Variants in SH3RF3 observed in about 807,000 individuals in gnomAD.
SH3RF3 encodes the protein E3 ubiquitin-protein ligase SH3RF3.
A neutral mutation model predicts 66.3 loss-of-function variants in SH3RF3; 29 were observed. The observed-to-expected ratio is 0.44, with a 90% confidence interval of 0.33 to 0.60. SH3RF3 has a LOEUF of 0.60. Among genes scored for constraint, SH3RF3 ranks in the 20% least tolerant of loss-of-function variants. The pLI is 0.04. For missense variants in SH3RF3, 1,194 were observed against 1,190.9 expected, an observed-to-expected ratio of 1.00 and a Z score of -0.04; for synonymous variants, 583 against 532.0, an observed-to-expected ratio of 1.10 and a Z score of -1.32.
chr2:109,490,434 A>G (rs1679099408), intron 8 of SH3RF3, among the ~76,000 whole-genome samples, 171 bp from the exon 9 acceptor site: 2 of 152,328 alleles, frequency 1.3e-5, no homozygotes, highest in East Asian at 3.9e-4. Context: ...GTGCAAGAAA[A>G]TGCTGGTACT....
intron 1 of SH3RF3, among the ~76,000 whole-genome samples, chr2:109,268,477 C>A (rs1017803668): frequency 4.6e-5 from 7 of 152,276 alleles, no homozygotes; most frequent in African/African-American, 1.7e-4. Context: ...CAGCTCCTTT[C>A]TCCCCTCAGT....
intron 1 of SH3RF3, among the ~76,000 whole-genome samples, chr2:109,198,680 A>G (rs769482471): frequency 1.3e-5 from 2 of 152,002 alleles, no homozygotes; most frequent in Non-Finnish European, 2.9e-5. Context: ...GACAGAGAAC[A>G]TTTTTCGTGT....
chr2:109,425,864 C>T (rs1677014946), intron 5 of SH3RF3, among the ~76,000 whole-genome samples: 1 of 152,102 alleles, frequency 6.6e-6, no homozygotes, highest in African/African-American at 2.4e-5. Context: ...GTCAAGTGTT[C>T]TTATTTTAAA....
chr2:109,416,358 G>T (rs958465601), intron 4 of SH3RF3, among the ~76,000 whole-genome samples: 13 of 151,888 alleles, frequency 8.6e-5, no homozygotes, highest in African/African-American at 3.1e-4. Context: ...ACTTTGGGAG[G>T]CTGAGGAGGG....
chr2:109,136,898 A>G (rs1346437355), intron 1 of SH3RF3, among the ~76,000 whole-genome samples: 2 of 152,248 alleles, frequency 1.3e-5, no homozygotes, highest in South Asian at 4.1e-4. Context: ...ACCTCACCAG[A>G]GAATCAGGGA....
At chr2:109,477,616 GTGT>G (rs1678719637) in intron 8 of SH3RF3, among the ~76,000 whole-genome samples, 4 of 32,620 alleles carry the variant, frequency 1.2e-4, no homozygotes, top group South Asian at 8.3e-4. Flanking sequence ...ACAGATGGGT[GTGT>G]GTGTGTGTGT....
At chr2:109,251,581 C>G in intron 1 of SH3RF3, 1 of 908,416 alleles carries the variant, frequency 1.1e-6, no homozygotes, top group East Asian at 2.4e-5. Flanking sequence ...TGGTGGGCAA[C>G]AGAACAATAT....
intron 1 of SH3RF3, among the ~76,000 whole-genome samples, chr2:109,301,772 T>C (rs1574560146): frequency 6.6e-6 from 1 of 152,346 alleles, no homozygotes; most frequent in East Asian, 1.9e-4. Flanking sequence ...CTACCCATCC[T>C]TTTTGGGTGG....
At chr2:109,318,558 T>G (rs1285205501) in intron 1 of SH3RF3, among the ~76,000 whole-genome samples, 1 of 151,998 alleles carries the variant, frequency 6.6e-6, no homozygotes, top group Non-Finnish European at 1.5e-5. Flanking sequence ...TCCTTGCGGG[T>G]GTGTTGGTTC....
chr2:109,398,372 C>T (rs1559061610), intron 3 of SH3RF3, among the ~76,000 whole-genome samples: 1 of 152,204 alleles, frequency 6.6e-6, no homozygotes, highest in Admixed American at 6.5e-5. Flanking sequence ...TGAGTCCCCT[C>T]TCTCCATCAT....
chr2:109,304,746 G>A lies in SH3RF3; in HGVS notation c.574-42928G>A, dbSNP rs114754411. 8.8e-3 allele frequency among the ~76,000 whole-genome samples: 1,334 copies of A among 152,306 alleles called. 15 individuals are homozygous for A. The highest frequency in any genetic ancestry group is 0.031 in the African/African-American group (1,278 of 41,562). Reference sequence around the variant, plus strand: ...CAGCATATAGGAGCTAATCTAGGGAGAGGTGCAGCCTGTGGAGGAAAGGAG... The same window carrying A: ...CAGCATATAGGAGCTAATCTAGGGAAAGGTGCAGCCTGTGGAGGAAAGGAG... On this transcript the variant is annotated intron_variant, in intron 1 of 9. Transcript: ENST00000309415.
intron 8 of SH3RF3, among the ~76,000 whole-genome samples, chr2:109,452,887 CCCAGGAGGCTGGTCCCGGGAGGCTGGTG>C (rs1162655421): frequency 6.4e-4 from 92 of 144,140 alleles, no homozygotes; most frequent in African/African-American, 2.0e-3. Flanking sequence ...GGAGGCTGGT[CCCAGGAGGCTGGTCCCGGGAGGCTGGTG>C]CCAGGAGGCT....
intron 1 of SH3RF3, among the ~76,000 whole-genome samples, chr2:109,284,803 G>C (rs1039528808): frequency 4.3e-4 from 65 of 151,926 alleles, no homozygotes; most frequent in African/African-American, 1.6e-3. Context: ...GTGTGGCCTC[G>C]TGTCAGATGA....
intron 1 of SH3RF3, among the ~76,000 whole-genome samples, chr2:109,231,260 T>C (rs1679508092): frequency 6.6e-6 from 1 of 152,250 alleles, no homozygotes; most frequent in African/African-American, 2.4e-5. Context: ...TGCTCTTTCT[T>C]CTACAGCTGA....
chr2:109,324,891 G>A (rs1052795710), intron 1 of SH3RF3, among the ~76,000 whole-genome samples: 5 of 152,226 alleles, frequency 3.3e-5, no homozygotes, highest in Non-Finnish European at 4.4e-5. Flanking sequence ...TGGAAGGAAC[G>A]GTGGAGCTGT....
In SH3RF3 at chr2:109,400,470, T is replaced by C. The variant is rs201390265; in HGVS notation, c.1299+1527T>C. Among the ~76,000 whole-genome samples, 5 of 151,962 alleles carry C rather than the reference T, an allele frequency of 3.3e-5. No homozygotes were observed. In the East Asian group the frequency reaches 9.7e-4, roughly 29 times the overall value. On this transcript the variant is annotated intron_variant, in intron 4 of 9. Transcript: ENST00000309415. ...CCTTCCACATGCACACACATACACATGTGCACACACATGCGTACAGGTGCA... is the reference window on the plus strand; with the variant it reads ...CCTTCCACATGCACACACATACACACGTGCACACACATGCGTACAGGTGCA...
chr2:109,362,374 A>G (rs1182080930), intron 2 of SH3RF3, among the ~76,000 whole-genome samples: 1 of 152,180 alleles, frequency 6.6e-6, no homozygotes, highest in Non-Finnish European at 1.5e-5. Context: ...TGGGATTTCC[A>G]GCTATCTTTC....
At chr2:109,290,977 G>A (rs987335288) in intron 1 of SH3RF3, among the ~76,000 whole-genome samples, 4 of 152,270 alleles carry the variant, frequency 2.6e-5, no homozygotes, top group South Asian at 2.1e-4. Flanking sequence ...CGGGTACATA[G>A]TAGGTGCACA....
intron 2 of SH3RF3, among the ~76,000 whole-genome samples, chr2:109,367,119 A>ATTTTTTT (rs150005222): frequency 1.1e-3 from 128 of 113,304 alleles, no homozygotes; most frequent in Middle Eastern, 5.1e-3. Flanking sequence ...TGCCCTGGTA[A>ATTTTTTT]TTTTTTTTTT....
Sources: gnomAD v4.1 joint callset for allele counts (sites outside exome capture counted in the v4.1 genomes callset) on GRCh38, gnomAD v4.1.1 for gene constraint, MANE v1.5 for transcripts, NCBI Gene and HGNC (gene_info 2026-07-23, HGNC 2026-07-21) for gene names.